OR4E2: variants seen among roughly 807,000 people sequenced by gnomAD.
The protein encoded by OR4E2 is olfactory receptor family 4 subfamily E member 2, also known as olfactory receptor 4E2.
A neutral mutation model predicts 11.0 loss-of-function variants in OR4E2; 9 were observed. The ratio of observed to expected loss-of-function variants is 0.82; its 90% CI spans 0.49 to 1.43. The LOEUF is 1.43. Among genes scored for constraint, OR4E2 ranks in the 40% most tolerant of loss-of-function variants. The pLI is 0.00. For synonymous variants in OR4E2, 159 were observed against 147.3 expected (o/e 1.08, Z -0.57); for missense variants, 441 against 382.0 (o/e 1.15, Z -1.29).
In OR4E2 at chr14:21,656,497, T is replaced by C. The variant is rs570661283; in HGVS notation, c.-190-5T>C. On this transcript the variant is annotated splice_polypyrimidine_tract_variant and splice_region_variant and intron_variant, in intron 1 of 3. Transcript: ENST00000641524. Reference sequence around the variant, plus strand: ...AGGATTTTGCTTTTTCTGTTTCATTTCTAGAAACAATTATGAGAAAAGTGA... The same window carrying C: ...AGGATTTTGCTTTTTCTGTTTCATTCCTAGAAACAATTATGAGAAAAGTGA... 1 of 152,362 alleles carries C rather than the reference T, an allele frequency of 6.6e-6. No homozygotes were observed. Among genetic ancestry groups the C allele is most frequent in the African/African-American group, 2.4e-5 (1 of 41,582 alleles). 9.4% of individuals were successfully genotyped at this position (152,362 alleles called of 1,614,324 possible).
chr14:21,656,158 CA>C (rs1217603769), intron 1 of OR4E2, among the ~76,000 whole-genome samples: 2 of 144,204 alleles, frequency 1.4e-5, no homozygotes, highest in African/African-American at 5.1e-5. Flanking sequence ...ACAAGAAACA[CA>C]ACAAAACAAA....
chr14:21,665,385 C>G lies in OR4E2; in HGVS notation c.303C>G (p.Leu101=). The part of the protein sequence containing the change: ...TISFDNCITQ[L]FFLHLFACAE... ...CCTTTGACAACTGCATCACACAGCT[C>G]TTCTTCCTACATCTCTTTGCCTGTG... Residue 101 remains leucine, a synonymous_variant, in exon 4 of 4, where the codon CTC becomes CTG. Coordinates refer to ENST00000641524, the MANE Select transcript of OR4E2 (RefSeq NM_001001912.3). 6.2e-7 allele frequency: 1 copy of G among 1,614,136 alleles called. No individual in the cohort carries two copies. The highest frequency in any genetic ancestry group is 8.5e-7 in the Non-Finnish European group (1 of 1,180,034).
chr14:21,665,402 T>C lies in OR4E2; in HGVS notation c.320T>C (p.Phe107Ser), dbSNP rs373297581. 2.5e-6 allele frequency: 4 copies of C among 1,614,004 alleles called. No individual in the cohort carries two copies. The highest frequency in any genetic ancestry group is 1.3e-5 in the African/African-American group (1 of 74,920). The change falls in exon 4 of 4, where the codon TTT becomes TCT. Residue 107 changes from phenylalanine to serine, a missense_variant. Transcript: ENST00000641524. ...ACACAGCTCTTCTTCCTACATCTCT[T>C]TGCCTGTGCCGAGATCTTTCTGCTG... ...CITQLFFLHL[F>S]ACAEIFLLII...
In OR4E2 at chr14:21,665,688, T is replaced by G. The variant is rs763818633; in HGVS notation, c.606T>G (p.Asn202Lys). 5.0e-6 allele frequency: 8 copies of G among 1,614,112 alleles called. No homozygotes were observed. The South Asian group carries it at 7.7e-5, about 16-fold the overall frequency. Residue 202 changes from asparagine to lysine, a missense_variant, in exon 4 of 4, where the codon AAT becomes AAG. Asn to Lys is a moderately conservative substitution (Grantham distance 94, BLOSUM62 0). Transcript: ENST00000641524. The stretch of plus-strand genomic sequence containing the variant: ...TCACAGGAATACTGATTGTGACCAA[T>G]AGTGGAACCATCTCCCTCTCCTGTT... The part of the protein sequence containing the change: ...TYLTGILIVT[N>K]SGTISLSCFL...
intron 2 of OR4E2, among the ~76,000 whole-genome samples, chr14:21,659,014 A>G (rs968795436): frequency 1.3e-5 from 2 of 152,122 alleles, no homozygotes; most frequent in East Asian, 1.9e-4. Context: ...TTGCAGTGCT[A>G]CTTTGAAAAT....
chr14:21,655,982 T>C (rs1328373213), intron 1 of OR4E2, among the ~76,000 whole-genome samples: 1 of 151,458 alleles, frequency 6.6e-6, no homozygotes, highest in African/African-American at 2.4e-5. Flanking sequence ...GGACCAATAT[T>C]AAAAAGGCGA....
At chr14:21,660,292 G>A (rs1250124006) in intron 2 of OR4E2, among the ~76,000 whole-genome samples, 15 of 152,232 alleles carry the variant, frequency 9.9e-5, no homozygotes, top group Non-Finnish European at 2.2e-4. Flanking sequence ...AGGTGGTGAT[G>A]CTGAAGCACT....
chr14:21,661,825 AG>A (rs1471350570), intron 3 of OR4E2, among the ~76,000 whole-genome samples: 20 of 152,312 alleles, frequency 1.3e-4, no homozygotes, highest in African/African-American at 4.3e-4. Context: ...TCTACTAAAA[AG>A]TCTTTAAACA....
intron 1 of OR4E2, among the ~76,000 whole-genome samples, chr14:21,655,971 A>G (rs1879918303): frequency 6.6e-6 from 1 of 152,010 alleles, no homozygotes; most frequent in Admixed American, 6.6e-5. Context: ...AAAAAAACCA[A>G]GGACCAATAT....
intron 3 of OR4E2, among the ~76,000 whole-genome samples, chr14:21,663,972 T>C (rs1880482700): frequency 6.6e-6 from 1 of 152,260 alleles, no homozygotes; most frequent in Non-Finnish European, 1.5e-5. Context: ...CATGGTGTTA[T>C]GTACCACATT....
rs1013139210 is a variant in OR4E2, at chr14:21,659,345, C to T, written c.-102-1308C>T. 6.6e-5 allele frequency among the ~76,000 whole-genome samples: 10 copies of T among 152,290 alleles called. 1 individual carries two copies. The highest frequency in any genetic ancestry group is 3.9e-4 in the Admixed American group (6 of 15,304). ...AGATTGCTTTGTCCTACTTTTAAAACATTAAAAAAATTAATTCAATAAGTA... is the reference window on the plus strand; with the variant it reads ...AGATTGCTTTGTCCTACTTTTAAAATATTAAAAAAATTAATTCAATAAGTA... On this transcript the variant is annotated intron_variant, in intron 2 of 3. Coordinates refer to ENST00000641524, the MANE Select transcript of OR4E2 (RefSeq NM_001001912.3).
chr14:21,662,253 G>A (rs1221513672), intron 3 of OR4E2, among the ~76,000 whole-genome samples: 1 of 151,542 alleles, frequency 6.6e-6, no homozygotes, highest in Non-Finnish European at 1.5e-5. Flanking sequence ...TTTTCTTCAC[G>A]TCTACCTTTT....
chr14:21,664,955 T>A, intron 3 of OR4E2, 120 bp from the exon 4 acceptor site: 1 of 629,866 alleles, frequency 1.6e-6, no homozygotes, highest in Admixed American at 3.1e-5. Flanking sequence ...TTAAATTGAT[T>A]TCATAAGCTA....
At chr14:21,663,679 CCTTTAAGTTCATGGATAAGTG>C (rs1880463873) in intron 3 of OR4E2, among the ~76,000 whole-genome samples, 1 of 151,908 alleles carries the variant, frequency 6.6e-6, no homozygotes, top group Non-Finnish European at 1.5e-5. Flanking sequence ...TTTTTCTTCA[CCTTTAAGTTCATGGATAAGTG>C]TGCAGGATGT....
rs1362196047 is a variant in OR4E2, at chr14:21,666,060, T to A, written c.*36T>A. ...GATTGCAGACATAATTGCAGCCACA[T>A]CCTTAATGAAAGAGCAAAAGTAAAG... On this transcript the variant is annotated 3_prime_UTR_variant, in exon 4 of 4. Transcript: ENST00000641524. 3 of 1,462,262 alleles carry A rather than the reference T, an allele frequency of 2.1e-6. No homozygotes were observed. Among genetic ancestry groups the A allele is most frequent in the African/African-American group, 1.4e-5 (1 of 70,768 alleles). 90.6% of individuals were successfully genotyped at this position (1,462,262 alleles called of 1,614,324 possible). A position where few individuals can be genotyped will look rare whatever the true frequency, so the allele number is the denominator to read the frequency against.
chr14:21,664,691 A>G (rs1309819629), intron 3 of OR4E2, among the ~76,000 whole-genome samples: 1 of 152,228 alleles, frequency 6.6e-6, no homozygotes, highest in Non-Finnish European at 1.5e-5. Context: ...ATCTAATTTG[A>G]TAGAAGAGTC....
intron 1 of OR4E2, among the ~76,000 whole-genome samples, chr14:21,654,474 C>T (rs1879830003): frequency 1.3e-5 from 2 of 151,728 alleles, no homozygotes; most frequent in African/African-American, 4.8e-5. Flanking sequence ...CACACACACA[C>T]ACACGCATGC....
intron 3 of OR4E2, among the ~76,000 whole-genome samples, chr14:21,663,046 G>A (rs1278076998): frequency 1.3e-5 from 2 of 152,210 alleles, no homozygotes; most frequent in South Asian, 2.1e-4. Context: ...TAGCTCCATT[G>A]TGAAGGAAGG....
At chr14:21,656,691 T>G (rs1331258147) in intron 2 of OR4E2, 102 bp downstream of exon 2, 1 of 152,216 alleles carries the variant, frequency 6.6e-6, no homozygotes, top group Non-Finnish European at 1.5e-5. Context: ...AAGACTTGTC[T>G]GATATGTCAC....
Sources: gnomAD v4.1 joint callset for allele counts (sites outside exome capture counted in the v4.1 genomes callset) on GRCh38, gnomAD v4.1.1 for gene constraint, MANE v1.5 for transcripts, NCBI Gene and HGNC (gene_info 2026-07-23, HGNC 2026-07-21) for gene names.